The following XG variants were observed in gnomAD, a reference collection of about 807,000 sequenced individuals.
XG encodes glycoprotein Xg.
XG carries 24 observed loss-of-function variants against 25.7 expected under a neutral mutation model. That is an observed-to-expected ratio of 0.93 (90% CI 0.68 to 1.31). XG has a LOEUF of 1.31. XG is among the 40% of genes most tolerant of loss of function. The probability of loss-of-function intolerance (pLI) is 0.00; values close to 1 mark genes in which losing one functional copy is unlikely to be tolerated. For synonymous variants in XG, 77 were observed against 69.2 expected, an observed-to-expected ratio of 1.11 and a Z score of -0.56; for missense variants, 181 against 187.6, an observed-to-expected ratio of 0.96 and a Z score of 0.21.
intron 10 of XG, 106 bp from the exon 11 acceptor site, chrX:2,814,257 AG>A: frequency 1.0e-6 from 1 of 955,468 alleles, no homozygotes; most frequent in Non-Finnish European, 1.4e-6. Context: ...CTAGAGCAAG[AG>A]TCTCTTGTAA....
At chrX:2,779,982 A>G (rs1478343539) in intron 3 of XG, among the ~76,000 whole-genome samples, 2 of 152,142 alleles carry the variant, frequency 1.3e-5, no homozygotes, top group African/African-American at 4.8e-5. Flanking sequence ...GGTTACTCAT[A>G]ACTCCTGATA....
intron 1 of XG, among the ~76,000 whole-genome samples, chrX:2,759,405 T>C (rs2050512507): frequency 6.6e-6 from 1 of 152,204 alleles, no homozygotes; most frequent in South Asian, 2.1e-4. Context: ...GGTATAGTTG[T>C]CTGGAGGTAT....
At chrX:2,796,964 C>T (rs964657237) in intron 6 of XG, among the ~76,000 whole-genome samples, 23 of 112,122 alleles carry the variant, frequency 2.1e-4, no homozygotes, top group African/African-American at 6.2e-4. Context: ...CTGGAAGGTC[C>T]TCCTAATCCG....
At chrX:2,812,845 A>G (rs1253896278) in intron 10 of XG, among the ~76,000 whole-genome samples, 7 of 112,064 alleles carry the variant, frequency 6.2e-5, no homozygotes, top group Non-Finnish European at 1.3e-4. Flanking sequence ...AGTGATTTGT[A>G]AGCCTTTGTT....
chrX:2,782,008 T>C (rs1225750641), intron 3 of XG, 58 bp from the exon 4 acceptor site: 1 of 1,133,647 alleles, frequency 8.8e-7, no homozygotes, highest in African/African-American at 1.8e-5. Context: ...TTCTGCAGCC[T>C]GCTCCTAAGG....
chrX:2,778,967 T>A (rs776784981), intron 3 of XG, among the ~76,000 whole-genome samples: 2 of 152,170 alleles, frequency 1.3e-5, no homozygotes, highest in East Asian at 3.9e-4. Flanking sequence ...TTTCACCAAG[T>A]TGGCCAGGCT....
intron 3 of XG, 122 bp downstream of exon 3, chrX:2,774,861 C>A: frequency 7.9e-7 from 1 of 1,265,020 alleles, no homozygotes; most frequent in Non-Finnish European, 1.1e-6. Flanking sequence ...ACAACTGTAC[C>A]AGATAGCAGA....
intron 2 of XG, among the ~76,000 whole-genome samples, chrX:2,771,220 G>GGCC (rs1051314253): frequency 1.3e-5 from 2 of 150,972 alleles, no homozygotes; most frequent in African/African-American, 4.9e-5. Context: ...CCCAATCCAT[G>GGCC]GCCTCCAATC....
intron 1 of XG, among the ~76,000 whole-genome samples, chrX:2,767,566 C>T (rs1199049480): frequency 2.0e-5 from 3 of 152,128 alleles, no homozygotes; most frequent in East Asian, 1.9e-4. Context: ...AAATAAACCC[C>T]GTGAAAGCAA....
intron 5 of XG, among the ~76,000 whole-genome samples, chrX:2,793,619 CA>C (rs2086856702): frequency 8.9e-6 from 1 of 111,770 alleles, no homozygotes; most frequent in South Asian, 3.8e-4. Flanking sequence ...AGGTGGGTCT[CA>C]TGTGTCAGGG....
At position 2,760,579 on chromosome X, in the gene XG, C is replaced by CAA. The variant is rs1164434566; in HGVS notation, c.61+8259_61+8260dup. Among the ~76,000 whole-genome samples the CAA allele has an allele frequency of 9.2e-3, 1,076 of 116,876 alleles. 4 individuals are homozygous for CAA. The highest frequency in any genetic ancestry group is 0.026 in the South Asian group (88 of 3,430). The allele number at this position is 116,876 out of a possible 152,430, so 76.7% of individuals were successfully genotyped here. On this transcript the variant is annotated intron_variant, in intron 1 of 10. Transcript: ENST00000644266. ...TGAAACCCCATCTCTACTAAAAATA[C>CAA]AAAAAAAAAAAAAAAATTAGCTGGG...
At chrX:2,767,244 G>A (rs2050720133) in intron 1 of XG, among the ~76,000 whole-genome samples, 1 of 152,144 alleles carries the variant, frequency 6.6e-6, no homozygotes, top group African/African-American at 2.4e-5. Context: ...GCAGGCTACA[G>A]AAGAATGCTT....
chrX:2,773,021 A>C (rs1440151815), intron 2 of XG, among the ~76,000 whole-genome samples: 2 of 140,576 alleles, frequency 1.4e-5, no homozygotes, highest in Admixed American at 7.0e-5. Context: ...ATTTTAAAAA[A>C]TAGTTATAAT....
At chrX:2,761,765 C>T (rs1055696644) in intron 1 of XG, among the ~76,000 whole-genome samples, 1 of 152,090 alleles carries the variant, frequency 6.6e-6, no homozygotes, top group Non-Finnish European at 1.5e-5. Context: ...CACGTGGGGA[C>T]TCAGGGAGAA....
At chrX:2,761,831 C>A (rs1286369753) in intron 1 of XG, among the ~76,000 whole-genome samples, 1 of 152,158 alleles carries the variant, frequency 6.6e-6, no homozygotes, top group Non-Finnish European at 1.5e-5. Context: ...CCTGCCCACA[C>A]CTTGATCTCA....
At chrX:2,764,227 G>A (rs311130) in intron 1 of XG, among the ~76,000 whole-genome samples, 22,089 of 152,048 alleles carry the variant, frequency 0.15, 1,809 homozygotes, top group African/African-American at 0.23. Flanking sequence ...GGCATGAATG[G>A]GCCACTCCTT....
At chrX:2,806,261 T>C (rs1194972866) in intron 7 of XG, among the ~76,000 whole-genome samples, 1 of 110,518 alleles carries the variant, frequency 9.0e-6, no homozygotes, top group East Asian at 2.8e-4. Context: ...CCAAATGAGC[T>C]CAAGTGGTCT....
chrX:2,781,945 G>C, intron 3 of XG, 121 bp from the exon 4 acceptor site: 1 of 668,641 alleles, frequency 1.5e-6, no homozygotes, highest in Non-Finnish European at 2.4e-6. Context: ...AACACACCGT[G>C]GGCAGCAAAT....
intron 8 of XG, among the ~76,000 whole-genome samples, chrX:2,807,077 A>AT (rs761983451): frequency 1.8e-4 from 20 of 112,304 alleles, no homozygotes; most frequent in African/African-American, 5.2e-4. Context: ...GTGCATGTGG[A>AT]TTTTGTAATC....
Sources: gnomAD v4.1 joint callset for allele counts (sites outside exome capture counted in the v4.1 genomes callset) on GRCh38, gnomAD v4.1.1 for gene constraint, MANE v1.5 for transcripts, NCBI Gene and HGNC (gene_info 2026-07-23, HGNC 2026-07-21) for gene names.